AKAP13: variants seen among roughly 807,000 people sequenced by gnomAD.
AKAP13 encodes A-kinase anchor protein 13.
In AKAP13, 80 loss-of-function variants were observed where a neutral mutation model predicts 264.5. That is an observed-to-expected ratio of 0.30 (90% CI 0.25 to 0.36). The LOEUF (loss-of-function observed/expected upper bound fraction) is 0.36, where lower values mean the gene tolerates loss of function less well. AKAP13 is among the 10% of genes least tolerant of loss of function. The probability of loss-of-function intolerance (pLI) is 1.00; values close to 1 mark genes in which losing one functional copy is unlikely to be tolerated. For synonymous variants in AKAP13, 1,380 were observed against 1,250.2 expected, an observed-to-expected ratio of 1.10 and a Z score of -2.19; for missense variants, 3,712 against 3,435.2, an observed-to-expected ratio of 1.08 and a Z score of -2.01.
Position 85,682,287 on chromosome 15 carries a change from C to T in AKAP13, c.5156+75C>T, listed in dbSNP as rs551492441. ...TAAAATCTCTTAGGCCATTTAATTA[C>T]GTAAACTAAGTTAATTGAGCTTATT... On this transcript the variant is annotated intron_variant, in intron 15 of 36. Coordinates refer to ENST00000394518, the MANE Select transcript of AKAP13 (RefSeq NM_007200.5). 1.1e-4 allele frequency: 162 copies of T among 1,429,838 alleles called. 1 individual carries two copies. Among genetic ancestry groups the T allele is most frequent in the Middle Eastern group, 1.7e-4 (1 of 5,724 alleles). The allele number at this position is 1,429,838 out of a possible 1,614,324, so 88.6% of individuals were successfully genotyped here.
intron 1 of AKAP13, among the ~76,000 whole-genome samples, chr15:85,385,757 T>C (rs541961237): frequency 3.9e-4 from 60 of 152,364 alleles, no homozygotes; most frequent in Admixed American, 2.0e-4. Flanking sequence ...TTGTATATAC[T>C]TTGGAATCAA....
intron 30 of AKAP13, among the ~76,000 whole-genome samples, chr15:85,732,617 A>T (rs544297931): frequency 3.3e-5 from 5 of 149,406 alleles, no homozygotes; most frequent in Non-Finnish European, 7.4e-5. Context: ...ATTTAGTATT[A>T]CATCTCTATT....
rs561637266 is a variant in AKAP13 at position 85,605,310 on chromosome 15, GGGTCTTTTGCA to G, written c.4161+19490_4161+19500del. 5.9e-5 allele frequency among the ~76,000 whole-genome samples: 9 copies of G among 152,288 alleles called. No homozygotes were observed. In the South Asian group the frequency reaches 1.9e-3, roughly 32 times the overall value. On this transcript the variant is annotated intron_variant, in intron 8 of 36. Transcript: ENST00000394518. ...AGGGAGATATTTGCACACTTAGAAAGGGTCTTTTGCAGGGACATGGATGGAGCTGGAAGCCA... is the reference window on the plus strand; with the variant it reads ...AGGGAGATATTTGCACACTTAGAAAGGGGACATGGATGGAGCTGGAAGCCA...
chr15:85,597,880 G>A (rs906713604), intron 8 of AKAP13, among the ~76,000 whole-genome samples: 6 of 152,044 alleles, frequency 3.9e-5, no homozygotes, highest in Non-Finnish European at 7.4e-5. Context: ...TGTAATTCCA[G>A]CGTTTTCTGA....
intron 2 of AKAP13, among the ~76,000 whole-genome samples, chr15:85,488,233 G>A (rs898265859): frequency 4.6e-5 from 7 of 152,172 alleles, no homozygotes; most frequent in African/African-American, 1.7e-4. Flanking sequence ...GGCTACCTTG[G>A]TTGAATTTTT....
intron 8 of AKAP13, among the ~76,000 whole-genome samples, chr15:85,624,147 G>A (rs36160775): frequency 0.2 from 30,662 of 152,100 alleles, 3,398 homozygotes; most frequent in East Asian, 0.35. Flanking sequence ...GGCCATTGCT[G>A]TTTTACTAAT....
At chr15:85,692,415 A>G (rs2085336361) in intron 16 of AKAP13, among the ~76,000 whole-genome samples, 1 of 152,212 alleles carries the variant, frequency 6.6e-6, no homozygotes, top group African/African-American at 2.4e-5. Flanking sequence ...CTCCCATTTG[A>G]CAAATGAGAA....
At chr15:85,692,347 A>G (rs535897605) in intron 16 of AKAP13, among the ~76,000 whole-genome samples, 1 of 152,348 alleles carries the variant, frequency 6.6e-6, no homozygotes, top group East Asian at 1.9e-4. Flanking sequence ...GAAATGTATT[A>G]TCTCACCTAA....
intron 2 of AKAP13, among the ~76,000 whole-genome samples, chr15:85,486,344 T>C (rs2075544443): frequency 6.6e-6 from 1 of 152,238 alleles, no homozygotes; most frequent in East Asian, 1.9e-4. Flanking sequence ...TCACAGAGAT[T>C]TATTCCTATG....
At chr15:85,430,224 T>C (rs1018948486) in intron 1 of AKAP13, among the ~76,000 whole-genome samples, 1 of 152,214 alleles carries the variant, frequency 6.6e-6, no homozygotes, top group Non-Finnish European at 1.5e-5. Context: ...AAGGGCACCA[T>C]TGTTTACTAT....
intron 8 of AKAP13, among the ~76,000 whole-genome samples, chr15:85,591,971 G>T (rs1449260375): frequency 6.6e-6 from 1 of 151,274 alleles, no homozygotes; most frequent in African/African-American, 2.4e-5. Context: ...TTGAGTATTA[G>T]GCTACTGGGA....
At chr15:85,627,932 G>T (rs573855265) in intron 8 of AKAP13, among the ~76,000 whole-genome samples, 2 of 152,134 alleles carry the variant, frequency 1.3e-5, no homozygotes, top group Admixed American at 1.3e-4. Flanking sequence ...CAAGCATATT[G>T]TCCGCTTTTA....
At position 85,415,539 on chromosome 15, in the gene AKAP13, A is replaced by T. The variant is rs533234236; in HGVS notation, c.-12+34741A>T. The T allele has an allele frequency of 1.4e-4, 208 of 1,482,868 alleles. No homozygotes were observed. The African/African-American group carries it at 2.6e-3, about 19-fold the overall frequency. 91.9% of individuals were successfully genotyped at this position (1,482,868 alleles called of 1,614,324 possible). On this transcript the variant is annotated intron_variant, in intron 1 of 36. Transcript: ENST00000394518. Reference sequence around the variant, plus strand: ...ACATCAGGAGTGGGATGGGAAGGAAAACACAATAAGAAGAAAATTGAAAGA... The same window carrying T: ...ACATCAGGAGTGGGATGGGAAGGAATACACAATAAGAAGAAAATTGAAAGA...
chr15:85,583,242 G>T, intron 7 of AKAP13: 2 of 920,218 alleles, frequency 2.2e-6, no homozygotes, highest in Non-Finnish European at 2.6e-6. Context: ...TTACACATAT[G>T]TATTAAGAAT....
chr15:85,451,297 G>A (rs1567063818), intron 1 of AKAP13, among the ~76,000 whole-genome samples: 1 of 152,184 alleles, frequency 6.6e-6, no homozygotes, highest in Non-Finnish European at 1.5e-5. Flanking sequence ...CTTGAAGACA[G>A]CATACCATTG....
At chr15:85,689,094 A>T (rs965506008) in intron 16 of AKAP13, among the ~76,000 whole-genome samples, 25 of 152,224 alleles carry the variant, frequency 1.6e-4, no homozygotes, top group African/African-American at 6.0e-4. Flanking sequence ...GACAAACAAG[A>T]GGTGGTTAGA....
At chr15:85,543,977 T>G in intron 5 of AKAP13, 22 bp downstream of exon 5, 4 of 1,610,584 alleles carry the variant, frequency 2.5e-6, no homozygotes. Context: ...TTCTGCCTTA[T>G]TTCCCTCCTC....
At position 85,669,705 on chromosome 15, in the gene AKAP13, A is replaced by T; in HGVS notation, c.4993-17A>T. 6.4e-7 allele frequency: 1 copy of T among 1,563,942 alleles called. No homozygotes were observed. Among genetic ancestry groups the T allele is most frequent in the Non-Finnish European group, 8.8e-7 (1 of 1,134,720 alleles). On this transcript the variant is annotated splice_polypyrimidine_tract_variant and intron_variant, in intron 13 of 36. Coordinates refer to ENST00000394518, the MANE Select transcript of AKAP13 (RefSeq NM_007200.5). ...AGTATATGCTTACAACGTGTTCTTC[A>T]CTTTTTTACTTCACAGATATGTCAC...
Position 85,727,544 on chromosome 15 carries a change from G to A in AKAP13, c.7087+81G>A, listed in dbSNP as rs950400303. Reference sequence around the variant, plus strand: ...GACTGCTGGTGGATTTTAGAGGTACGGGTTTGCCCTCAGTTCTAAAGCTGC... The same window carrying A: ...GACTGCTGGTGGATTTTAGAGGTACAGGTTTGCCCTCAGTTCTAAAGCTGC... On this transcript the variant is annotated intron_variant, in intron 29 of 36. Coordinates refer to ENST00000394518, the MANE Select transcript of AKAP13 (RefSeq NM_007200.5). The surrounding 1 kb of genome is among the most constrained non-coding windows in gnomAD (Gnocchi z 5.3). 6.3e-5 allele frequency: 95 copies of A among 1,513,128 alleles called. No individual in the cohort carries two copies. Among genetic ancestry groups the A allele is most frequent in the Non-Finnish European group, 7.4e-5 (81 of 1,097,708 alleles). 93.7% of individuals were successfully genotyped at this position (1,513,128 alleles called of 1,614,324 possible).
Sources: gnomAD v4.1 joint callset for allele counts (sites outside exome capture counted in the v4.1 genomes callset) on GRCh38, gnomAD v4.1.1 for gene constraint, Gnocchi (gnomAD v3.1) non-coding constraint, MANE v1.5 for transcripts, NCBI Gene and HGNC (gene_info 2026-07-23, HGNC 2026-07-21) for gene names.